FLVCR2: variants seen among roughly 807,000 people sequenced by gnomAD.
The protein encoded by FLVCR2 is choline/ethanolamine transporter FLVCR2.
In FLVCR2, 38 loss-of-function variants were observed where a neutral mutation model predicts 48.9. That is an observed-to-expected ratio of 0.78 (90% confidence interval 0.60 to 1.02). The LOEUF (loss-of-function observed/expected upper bound fraction) is 1.02. FLVCR2 is among the 50% of genes least tolerant of loss of function. FLVCR2 has a pLI of 0.00. For missense variants in FLVCR2, 664 were observed against 663.3 expected (o/e 1.00, Z -0.01); for synonymous variants, 255 against 257.0 (o/e 0.99, Z 0.07).
At chr14:75,598,454 A>G (rs1046828725) in intron 1 of FLVCR2, among the ~76,000 whole-genome samples, 2 of 151,666 alleles carry the variant, frequency 1.3e-5, no homozygotes, top group East Asian at 1.9e-4. Context: ...TTTTTTCTCT[A>G]TAACCTAATC....
chr14:75,619,342 C>A (rs913330459), intron 1 of FLVCR2, among the ~76,000 whole-genome samples: 1 of 151,950 alleles, frequency 6.6e-6, no homozygotes. Flanking sequence ...GGTATCCTAC[C>A]CTCTCCTTAC....
chr14:75,631,376 G>A (rs183651377), intron 3 of FLVCR2, among the ~76,000 whole-genome samples: 1 of 152,262 alleles, frequency 6.6e-6, no homozygotes, highest in African/African-American at 2.4e-5. Flanking sequence ...CAGTAGGTCT[G>A]GGGTGGAACA....
intron 9 of FLVCR2, among the ~76,000 whole-genome samples, chr14:75,642,252 G>C (rs2140055559): frequency 6.6e-6 from 1 of 152,298 alleles, no homozygotes; most frequent in Non-Finnish European, 1.5e-5. Context: ...TTCAGCCTGG[G>C]GTCAGTGGCT....
rs1289298973 is a variant in FLVCR2 at position 75,607,816 on chromosome 14, T to C, written c.670-14263T>C. ...GGCTCGGTGTGGTGGTTCACACCTG[T>C]AATCCTAGCACTTAGGGAGGTTGAG... On this transcript the variant is annotated intron_variant, in intron 1 of 9. Transcript: ENST00000238667. 1.3e-5 allele frequency among the ~76,000 whole-genome samples: 2 copies of C among 152,188 alleles called. 1 individual carries two copies. Among genetic ancestry groups the C allele is most frequent in the African/African-American group, 4.8e-5 (2 of 41,458 alleles).
intron 1 of FLVCR2, among the ~76,000 whole-genome samples, chr14:75,603,986 T>C (rs1019934711): frequency 6.6e-6 from 1 of 152,234 alleles, no homozygotes; most frequent in Non-Finnish European, 1.5e-5. Flanking sequence ...TAACAAGTTT[T>C]CACTTCCTGA....
In FLVCR2 at chr14:75,633,628, G is replaced by C; in HGVS notation, c.953-1G>C. 1 of 1,613,662 alleles carries C rather than the reference G, an allele frequency of 6.2e-7. No homozygotes were observed. Among genetic ancestry groups the C allele is most frequent in the Non-Finnish European group, 8.5e-7 (1 of 1,179,550 alleles). ...GTTGTATTTCTCGCTCCCTTCTTCA[G>C]GTCTGAATGCTGGTGCTTTTTATGC... On this transcript the variant is annotated splice_acceptor_variant, in intron 3 of 9. Transcript: ENST00000238667. LOFTEE classifies it high-confidence loss of function.
intron 1 of FLVCR2, chr14:75,605,596 T>A (rs1167472959): frequency 1.2e-5 from 19 of 1,536,122 alleles, no homozygotes; most frequent in Non-Finnish European, 1.7e-5. Flanking sequence ...AGCAGCACCA[T>A]CTGTGTTTGT....
intron 5 of FLVCR2, among the ~76,000 whole-genome samples, chr14:75,637,661 G>A (rs1444912829): frequency 2.6e-5 from 4 of 151,480 alleles, no homozygotes; most frequent in African/African-American, 7.3e-5. Context: ...CCTGGGAGGC[G>A]GAGCTTGCAG....
chr14:75,608,501 G>A (rs1276106693), intron 1 of FLVCR2, among the ~76,000 whole-genome samples: 2 of 152,162 alleles, frequency 1.3e-5, no homozygotes, highest in African/African-American at 4.8e-5. Context: ...AAATGGCTGT[G>A]GTGGCATAGC....
intron 1 of FLVCR2, among the ~76,000 whole-genome samples, chr14:75,614,552 G>A (rs1889559224): frequency 1.3e-5 from 2 of 152,178 alleles, no homozygotes; most frequent in Non-Finnish European, 2.9e-5. Flanking sequence ...AGGTATAGAC[G>A]AGATGATGGG....
chr14:75,612,034 T>A (rs1229285036), intron 1 of FLVCR2, among the ~76,000 whole-genome samples: 2 of 152,186 alleles, frequency 1.3e-5, no homozygotes, highest in East Asian at 3.8e-4. Context: ...GGCAAGCTAC[T>A]TAAATGCCAA....
At chr14:75,636,021 C>T (rs534659798) in intron 5 of FLVCR2, among the ~76,000 whole-genome samples, 60 of 152,288 alleles carry the variant, frequency 3.9e-4, no homozygotes, top group Non-Finnish European at 7.2e-4. Flanking sequence ...TGGAGAAAAT[C>T]CTCTGGCGAA....
At chr14:75,599,736 G>A (rs897847459) in intron 1 of FLVCR2, among the ~76,000 whole-genome samples, 1 of 152,202 alleles carries the variant, frequency 6.6e-6, no homozygotes, top group South Asian at 2.1e-4. Context: ...TGAAGACAAT[G>A]TTGTATTTGG....
chr14:75,640,405 TTGTGTGTGTGTG>T (rs10562124), intron 6 of FLVCR2, among the ~76,000 whole-genome samples: 20 of 148,396 alleles, frequency 1.3e-4, no homozygotes, highest in Admixed American at 3.3e-4. Flanking sequence ...ATATGAGTGT[TTGTGTGTGTGTG>T]TGTGTGTGTG....
chr14:75,643,785 T>A (rs573190335), intron 9 of FLVCR2, among the ~76,000 whole-genome samples: 2 of 152,242 alleles, frequency 1.3e-5, no homozygotes, highest in East Asian at 3.9e-4. Context: ...GGGGACATAA[T>A]GATTTGGTAC....
chr14:75,583,154 C>G (rs897334662), intron 1 of FLVCR2, among the ~76,000 whole-genome samples: 4 of 152,080 alleles, frequency 2.6e-5, no homozygotes, highest in African/African-American at 9.7e-5. Context: ...TGTTTGAGAT[C>G]CAGAACAGAA....
chr14:75,605,471 T>C (rs1889267118), intron 1 of FLVCR2: 1 of 1,513,130 alleles, frequency 6.6e-7, no homozygotes, highest in Non-Finnish European at 8.8e-7. Context: ...CACTTCTGCT[T>C]TCTGACTTGA....
At chr14:75,635,747 C>T (rs1209095198) in intron 5 of FLVCR2, among the ~76,000 whole-genome samples, 1 of 152,070 alleles carries the variant, frequency 6.6e-6, no homozygotes, top group African/African-American at 2.4e-5. Flanking sequence ...CACCTGAAGT[C>T]CCAGCTATTT....
chr14:75,609,202 C>G (rs1027511447), intron 1 of FLVCR2, among the ~76,000 whole-genome samples: 1 of 152,120 alleles, frequency 6.6e-6, no homozygotes, highest in African/African-American at 2.4e-5. Flanking sequence ...AAGGGAAGGT[C>G]CCTGTTGGCA....
Sources: gnomAD v4.1 joint callset for allele counts (sites outside exome capture counted in the v4.1 genomes callset) on GRCh38, gnomAD v4.1.1 for gene constraint, MANE v1.5 for transcripts, NCBI Gene and HGNC (gene_info 2026-07-23, HGNC 2026-07-21) for gene names.